EXOC4: variants seen among roughly 807,000 people sequenced by gnomAD.
EXOC4 encodes the protein SEC8-like 1.
EXOC4 carries 71 observed loss-of-function variants against 107.2 expected under a neutral mutation model. The observed-to-expected ratio is 0.66, with a 90% CI of 0.55 to 0.81. The LOEUF (loss-of-function observed/expected upper bound fraction) is 0.81, where lower values mean the gene tolerates loss of function less well. Among genes scored for constraint, EXOC4 ranks in the 30% least tolerant of loss-of-function variants. EXOC4 has a pLI of 0.00. For missense variants in EXOC4, 1,108 were observed against 1,189.6 expected, an observed-to-expected ratio of 0.93 and a Z score of 1.01; for synonymous variants, 456 against 441.2, an observed-to-expected ratio of 1.03 and a Z score of -0.42.
At chr7:133,275,223 G>T in intron 2 of EXOC4, 52 bp downstream of exon 2, 2 of 1,413,678 alleles carry the variant, frequency 1.4e-6, no homozygotes, top group Non-Finnish European at 1.9e-6. Context: ...CACTATAGGT[G>T]TTGCAGCTTG....
chr7:133,763,348 C>G lies in EXOC4; in HGVS notation c.1515-53977C>G, dbSNP rs192593385. Among the ~76,000 whole-genome samples, 3 of 152,230 alleles carry G rather than the reference C, an allele frequency of 2.0e-5. 1 individual carries two copies. Among genetic ancestry groups the G allele is most frequent in the Admixed American group, 2.0e-4 (3 of 15,274 alleles). ...TTAAAATTCCTGTCTGTATCCCTTT[C>G]ACCTAGCACAGTCCATGACTTAGGA... On this transcript the variant is annotated intron_variant, in intron 10 of 17. Transcript: ENST00000253861.
At chr7:133,898,780 C>A (rs1799382566) in intron 12 of EXOC4, among the ~76,000 whole-genome samples, 1 of 143,056 alleles carries the variant, frequency 7.0e-6, no homozygotes, top group African/African-American at 2.6e-5. Context: ...GAGTTCGAGA[C>A]CAGCCTGGCC....
intron 11 of EXOC4, among the ~76,000 whole-genome samples, chr7:133,838,922 C>G (rs1165654002): frequency 1.3e-5 from 2 of 152,078 alleles, no homozygotes; most frequent in Non-Finnish European, 2.9e-5. Context: ...GTTTGCCAAC[C>G]CCTGCTTAGG....
At chr7:133,509,426 T>TAA (rs76217297) in intron 9 of EXOC4, among the ~76,000 whole-genome samples, 2 of 142,736 alleles carry the variant, frequency 1.4e-5, no homozygotes, top group Non-Finnish European at 1.5e-5. Flanking sequence ...AGACTCCGTC[T>TAA]AAAAAAAAAA....
the EXOC4 span, among the ~76,000 whole-genome samples, chr7:134,088,729 A>G: frequency 6.6e-6 from 1 of 152,206 alleles, no homozygotes; most frequent in East Asian, 1.9e-4. Flanking sequence ...TTGAAACAAG[A>G]AAACAATTGT....
intron 14 of EXOC4, among the ~76,000 whole-genome samples, chr7:133,990,275 C>A (rs892012700): frequency 2.0e-5 from 3 of 147,048 alleles, no homozygotes; most frequent in Non-Finnish European, 3.0e-5. Context: ...CCCTCCCCCC[C>A]CCACCCCTTT....
rs78702372 is a variant in EXOC4 at position 133,476,828 on chromosome 7, G to T, written c.1328+1355G>T. ...ATGTGGAGGTTTCCTTAATTCAACT[G>T]TACAATATCATAAAGGACTCAGCCC... is the stretch of plus-strand genomic sequence containing the variant. On this transcript the variant is annotated intron_variant, in intron 8 of 17. Coordinates refer to ENST00000253861, the MANE Select transcript of EXOC4 (RefSeq NM_021807.4). 3.0e-4 allele frequency among the ~76,000 whole-genome samples: 46 copies of T among 152,256 alleles called. 1 individual carries two copies. In the East Asian group the frequency reaches 8.7e-3, roughly 29 times the overall value.
At chr7:133,642,793 C>A (rs964065510) in intron 10 of EXOC4, among the ~76,000 whole-genome samples, 2 of 152,042 alleles carry the variant, frequency 1.3e-5, no homozygotes, top group African/African-American at 4.8e-5. Flanking sequence ...GATCTCAGGC[C>A]CCCTTGTACA....
chr7:134,077,642 A>G, the EXOC4 span, among the ~76,000 whole-genome samples: 2 of 152,188 alleles, frequency 1.3e-5, no homozygotes, highest in Admixed American at 6.5e-5. Flanking sequence ...ACTTCACAAA[A>G]GGGGGTGGGC....
chr7:133,770,662 C>T (rs762665920), intron 10 of EXOC4, among the ~76,000 whole-genome samples: 5 of 151,836 alleles, frequency 3.3e-5, no homozygotes, highest in Non-Finnish European at 7.4e-5. Flanking sequence ...GCTGGGGAAA[C>T]TTACAAATTG....
intron 10 of EXOC4, among the ~76,000 whole-genome samples, chr7:133,749,557 T>G (rs2151136801): frequency 6.6e-6 from 1 of 152,196 alleles, no homozygotes; most frequent in Non-Finnish European, 1.5e-5. Context: ...CACACTCAGA[T>G]AATTTTTTGT....
At chr7:133,292,633 T>C (rs1794432848) in intron 3 of EXOC4, among the ~76,000 whole-genome samples, 1 of 152,208 alleles carries the variant, frequency 6.6e-6, no homozygotes, top group African/African-American at 2.4e-5. Context: ...TGGCTCAAAT[T>C]TCATCAACTC....
chr7:133,786,841 A>C (rs1796579135), intron 10 of EXOC4, among the ~76,000 whole-genome samples: 1 of 152,184 alleles, frequency 6.6e-6, no homozygotes, highest in Admixed American at 6.5e-5. Flanking sequence ...CCAGGCAAAC[A>C]AAGTCAGAAT....
At chr7:134,092,813 C>T in the EXOC4 span, among the ~76,000 whole-genome samples, 4 of 151,286 alleles carry the variant, frequency 2.6e-5, no homozygotes, top group East Asian at 3.9e-4. Context: ...ATCCCAGCTA[C>T]TTGAGAGGCT....
chr7:133,866,108 ATAG>A (rs959415486), intron 11 of EXOC4, among the ~76,000 whole-genome samples: 7 of 152,198 alleles, frequency 4.6e-5, no homozygotes, highest in African/African-American at 9.7e-5. Context: ...ACAATTACTA[ATAG>A]TAGGCACATT....
At chr7:133,329,964 G>T (rs546833451) in intron 5 of EXOC4, among the ~76,000 whole-genome samples, 1 of 152,262 alleles carries the variant, frequency 6.6e-6, no homozygotes, top group African/African-American at 2.4e-5. Flanking sequence ...TGGGAGATCT[G>T]TTGCTCTCTT....
intron 11 of EXOC4, among the ~76,000 whole-genome samples, chr7:133,884,036 G>A (rs1020190467): frequency 1.3e-5 from 2 of 152,228 alleles, no homozygotes; most frequent in Non-Finnish European, 2.9e-5. Flanking sequence ...GATATGACAA[G>A]TTTTACTGAC....
intron 7 of EXOC4, among the ~76,000 whole-genome samples, chr7:133,429,189 G>T (rs1410640494): frequency 2.0e-5 from 3 of 152,156 alleles, no homozygotes; most frequent in Non-Finnish European, 4.4e-5. Flanking sequence ...ATTAGAGAAA[G>T]AATTGATGGA....
At chr7:133,541,385 A>G (rs1800376758) in intron 9 of EXOC4, among the ~76,000 whole-genome samples, 1 of 152,206 alleles carries the variant, frequency 6.6e-6, no homozygotes, top group African/African-American at 2.4e-5. Flanking sequence ...TTGGCTGTAA[A>G]CACTTGGGAA....
Sources: gnomAD v4.1 joint callset for allele counts (sites outside exome capture counted in the v4.1 genomes callset) on GRCh38, gnomAD v4.1.1 for gene constraint, MANE v1.5 for transcripts, NCBI Gene and HGNC (gene_info 2026-07-23, HGNC 2026-07-21) for gene names.